KCNQ2: variants seen among roughly 807,000 people sequenced by gnomAD.
KCNQ2 encodes the protein potassium voltage-gated channel subfamily KQT member 2.
KCNQ2 carries 14 observed loss-of-function variants against 84.8 expected under a neutral mutation model. The ratio of observed to expected loss-of-function variants is 0.17; its 90% CI spans 0.11 to 0.26. The LOEUF is 0.26. Ranked by LOEUF, KCNQ2 falls within the 10% of genes least tolerant of loss-of-function variation. KCNQ2 has a pLI of 1.00. For synonymous variants in KCNQ2, 599 were observed against 554.1 expected (o/e 1.08, Z -1.14); for missense variants, 788 against 1,254.0 (o/e 0.63, Z 5.61).
intron 1 of KCNQ2, among the ~76,000 whole-genome samples, chr20:63,456,244 G>A (rs1395286556): frequency 6.6e-6 from 1 of 152,184 alleles, no homozygotes; most frequent in Non-Finnish European, 1.5e-5. Flanking sequence ...TCTGGTTGAA[G>A]GGGATATTTC....
rs1311489298 is a variant in KCNQ2 at position 63,400,790 on chromosome 20, C to T, written c.*5854G>A. The T allele has an allele frequency of 5.0e-5, 20 of 398,374 alleles. No individual in the cohort carries two copies. In the Admixed American group the frequency reaches 5.3e-4, roughly 11 times the overall value. 24.7% of individuals were successfully genotyped at this position (398,374 alleles called of 1,614,324 possible). ...ACCACCAGCTCTGGGCGCCTCAGTG[C>T]GAGACCCCTCCGTGAGACCCCTCCT... is the stretch of plus-strand genomic sequence containing the variant. On this transcript the variant is annotated 3_prime_UTR_variant, in exon 17 of 17. Transcript: ENST00000359125. This position sits in a 1 kb window ranked among gnomAD's most constrained non-coding sequence, Gnocchi z 8.7.
chr20:63,410,471 G>A (rs2080089300), intron 15 of KCNQ2, among the ~76,000 whole-genome samples: 1 of 152,190 alleles, frequency 6.6e-6, no homozygotes, highest in South Asian at 2.1e-4. Context: ...CCACAAGACC[G>A]TCCGAGCTCA....
intron 4 of KCNQ2, among the ~76,000 whole-genome samples, chr20:63,443,370 TCAC>T (rs1568937484): frequency 0.32 from 12,030 of 38,100 alleles, 1,505 homozygotes; most frequent in Non-Finnish European, 0.41. Context: ...ATCACCATCA[TCAC>T]CACCATCATC....
intron 7 of KCNQ2, among the ~76,000 whole-genome samples, chr20:63,435,406 A>AAAG (rs1568919916): frequency 6.6e-6 from 1 of 151,464 alleles, no homozygotes; most frequent in Non-Finnish European, 1.5e-5. Flanking sequence ...CAAAAAAAAA[A>AAAG]AGTTGGCCAT....
intron 1 of KCNQ2, chr20:63,471,870 G>A: frequency 2.8e-6 from 1 of 355,218 alleles, no homozygotes; most frequent in Non-Finnish European, 5.0e-6. Flanking sequence ...CGCAGAGGCC[G>A]CGGGGAGGGG....
At chr20:63,436,665 A>AT (rs931452762) in intron 7 of KCNQ2, among the ~76,000 whole-genome samples, 12 of 151,902 alleles carry the variant, frequency 7.9e-5, no homozygotes, top group East Asian at 5.8e-4. Flanking sequence ...GATTGTTAGT[A>AT]TTTTTTTAGC....
intron 1 of KCNQ2, among the ~76,000 whole-genome samples, chr20:63,451,139 A>G (rs1307882811): frequency 2.5e-5 from 3 of 122,212 alleles, no homozygotes; most frequent in Non-Finnish European, 4.9e-5. Context: ...CTCTGTCCCA[A>G]AAAAAAAAAA....
intron 1 of KCNQ2, among the ~76,000 whole-genome samples, chr20:63,456,217 C>T (rs1243293684): frequency 6.6e-6 from 1 of 152,194 alleles, no homozygotes; most frequent in South Asian, 2.1e-4. Context: ...CAGGTCTCCC[C>T]CGCCTTCCTT....
Position 63,446,713 on chromosome 20 carries a change from G to C in KCNQ2, c.387+34C>G. The C allele has an allele frequency of 6.4e-7, 1 of 1,568,856 alleles. No individual in the cohort carries two copies. On this transcript the variant is annotated intron_variant, in intron 2 of 16. Coordinates refer to ENST00000359125, the MANE Select transcript of KCNQ2 (RefSeq NM_172107.4). The surrounding 1 kb of genome is among the most constrained non-coding windows in gnomAD (Gnocchi z 5.5). ...CCAGGCAGCTCCAGCTCCTTCCTGGGCACTTCCAGCCCCCGCCCTCCCTCG... is the reference window on the plus strand; with the variant it reads ...CCAGGCAGCTCCAGCTCCTTCCTGGCCACTTCCAGCCCCCGCCCTCCCTCG...
rs1476480920 is a variant in KCNQ2 at position 63,406,611 on chromosome 20, G to A, written c.*33C>T. The A allele has an allele frequency of 6.4e-7, 1 of 1,561,426 alleles. No homozygotes were observed. Among genetic ancestry groups the A allele is most frequent in the Non-Finnish European group, 8.6e-7 (1 of 1,159,982 alleles). Reference sequence around the variant, plus strand: ...ACCTCGGAGGCACCGTGCTGAGGAGGGCCGCGGGCGGGTCCACTGGCCCAG... The same window carrying A: ...ACCTCGGAGGCACCGTGCTGAGGAGAGCCGCGGGCGGGTCCACTGGCCCAG... On this transcript the variant is annotated 3_prime_UTR_variant, in exon 17 of 17. Transcript: ENST00000359125.
intron 12 of KCNQ2, among the ~76,000 whole-genome samples, chr20:63,419,404 C>T (rs764094385): frequency 6.6e-6 from 1 of 152,200 alleles, no homozygotes; most frequent in African/African-American, 2.4e-5. Context: ...CATCGCCTGG[C>T]GTGGGGAGCA....
At chr20:63,467,219 T>C (rs1025110385) in intron 1 of KCNQ2, among the ~76,000 whole-genome samples, 3 of 152,150 alleles carry the variant, frequency 2.0e-5, no homozygotes, top group African/African-American at 7.2e-5. Flanking sequence ...GGCCATCCCA[T>C]ATCCCTTCTC....
chr20:63,406,268 C>A lies in KCNQ2; in HGVS notation c.*376G>T. ...GGGAACAGGCCTGCCCTTTGTGCCTCCCCTGGGCTCGGCTGAGACAACCCC... is the reference window on the plus strand; with the variant it reads ...GGGAACAGGCCTGCCCTTTGTGCCTACCCTGGGCTCGGCTGAGACAACCCC... On this transcript the variant is annotated 3_prime_UTR_variant, in exon 17 of 17. Coordinates refer to ENST00000359125, the MANE Select transcript of KCNQ2 (RefSeq NM_172107.4). The A allele has an allele frequency of 4.0e-6, 1 of 250,366 alleles. No individual in the cohort carries two copies. The highest frequency in any genetic ancestry group is 6.1e-5 in the South Asian group (1 of 16,288). The allele number at this position is 250,366 out of a possible 1,614,324, so 15.5% of individuals were successfully genotyped here.
At chr20:63,453,236 T>A (rs1397934721) in intron 1 of KCNQ2, among the ~76,000 whole-genome samples, 1 of 152,218 alleles carries the variant, frequency 6.6e-6, no homozygotes, top group Non-Finnish European at 1.5e-5. Flanking sequence ...GCACTGGCCC[T>A]GAGGCACCGT....
At chr20:63,444,137 G>A (rs754296491) in intron 4 of KCNQ2, among the ~76,000 whole-genome samples, 3 of 152,222 alleles carry the variant, frequency 2.0e-5, no homozygotes, top group Non-Finnish European at 4.4e-5. Flanking sequence ...GAGCCCACCC[G>A]TGAGCAAGGT....
intron 7 of KCNQ2, among the ~76,000 whole-genome samples, chr20:63,436,254 G>A (rs147928564): frequency 4.6e-5 from 7 of 152,248 alleles, no homozygotes; most frequent in East Asian, 3.9e-4. Context: ...CACCACAGCC[G>A]GGCGCAGTGG....
intron 8 of KCNQ2, among the ~76,000 whole-genome samples, chr20:63,432,966 C>T (rs1331946261): frequency 6.6e-6 from 1 of 152,178 alleles, no homozygotes; most frequent in African/African-American, 2.4e-5. Flanking sequence ...GCTGGGAAGT[C>T]CCGGGGCTCA....
intron 1 of KCNQ2, among the ~76,000 whole-genome samples, chr20:63,458,685 G>A (rs2145855124): frequency 6.6e-6 from 1 of 152,286 alleles, no homozygotes; most frequent in African/African-American, 2.4e-5. Flanking sequence ...TCAGACAGTG[G>A]CCCCAAGTGC....
chr20:63,449,653 G>A (rs1417837205), intron 1 of KCNQ2, among the ~76,000 whole-genome samples: 1 of 152,174 alleles, frequency 6.6e-6, no homozygotes, highest in East Asian at 1.9e-4. Context: ...CGCAGAGAGA[G>A]GAGGGACTCA....
Sources: gnomAD v4.1 joint callset for allele counts (sites outside exome capture counted in the v4.1 genomes callset) on GRCh38, gnomAD v4.1.1 for gene constraint, Gnocchi (gnomAD v3.1) non-coding constraint, MANE v1.5 for transcripts, NCBI Gene and HGNC (gene_info 2026-07-23, HGNC 2026-07-21) for gene names.